Variants in UBN2 observed in about 807,000 individuals in gnomAD.
The protein encoded by UBN2 is ubinuclein 2, also known as ubinuclein-2.
UBN2 carries 35 observed loss-of-function variants against 120.2 expected under a neutral mutation model. The ratio of observed to expected loss-of-function variants is 0.29; its 90% CI spans 0.22 to 0.39. The LOEUF is 0.39. UBN2 is among the 10% of genes least tolerant of loss of function. The pLI, the probability that UBN2 is intolerant of heterozygous loss-of-function variation, is 1.00. For synonymous variants in UBN2, 661 were observed against 648.7 expected, an observed-to-expected ratio of 1.02 and a Z score of -0.29; for missense variants, 1,693 against 1,663.2, an observed-to-expected ratio of 1.02 and a Z score of -0.31.
At chr7:139,281,874 G>A in intron 13 of UBN2, 131 bp from the exon 14 acceptor site, 1 of 728,914 alleles carries the variant, frequency 1.4e-6, no homozygotes, top group Non-Finnish European at 2.3e-6. Context: ...TGACCTTAAT[G>A]CAGTTACACT....
chr7:139,328,277 G>A, the UBN2 span, among the ~76,000 whole-genome samples: 29 of 152,322 alleles, frequency 1.9e-4, no homozygotes, highest in African/African-American at 7.0e-4. Flanking sequence ...CATGGTGGCA[G>A]GGGAGAGAGT....
At chr7:139,293,116 C>T (rs903379263) in intron 15 of UBN2, 116 bp from the exon 16 acceptor site, 84 of 812,248 alleles carry the variant, frequency 1.0e-4, no homozygotes, top group Non-Finnish European at 1.4e-4. Context: ...TGTCTCACAA[C>T]GTTTCTGTCA....
Position 139,307,493 on chromosome 7 carries a change from A to AT in UBN2, c.*9657_*9658insT, listed in dbSNP as rs1554480522. The AT allele has an allele frequency of 3.0e-4, 46 of 152,040 alleles. No homozygotes were observed. Among genetic ancestry groups the AT allele is most frequent in the East Asian group, 1.5e-3 (8 of 5,188 alleles). 9.4% of individuals were successfully genotyped at this position (152,040 alleles called of 1,614,324 possible). A position where few individuals can be genotyped will look rare whatever the true frequency, so the allele number is the denominator to read the frequency against. On this transcript the variant is annotated 3_prime_UTR_variant, in exon 18 of 18. Transcript: ENST00000473989. The stretch of plus-strand genomic sequence containing the variant: ...TTTTGTATTTTAGTAAAAAAAAAAA[A>AT]AAATAAATTTAAATAAAAGGGGGTG...
the UBN2 span, among the ~76,000 whole-genome samples, chr7:139,326,554 T>TA: frequency 0.033 from 5,044 of 152,348 alleles, 280 homozygotes; most frequent in African/African-American, 0.11. Context: ...TAGGAACTTT[T>TA]ACCTATTTTG....
Position 139,301,374 on chromosome 7 carries a change from C to G in UBN2, c.*3538C>G, listed in dbSNP as rs1451829471. 1.3e-5 allele frequency: 2 copies of G among 152,134 alleles called. No individual in the cohort carries two copies. The highest frequency in any genetic ancestry group is 2.9e-5 in the Non-Finnish European group (2 of 68,020). The allele number at this position is 152,134 out of a possible 1,614,324, so 9.4% of individuals were successfully genotyped here. A position where few individuals can be genotyped will look rare whatever the true frequency, so the allele number is the denominator to read the frequency against. ...TGCCCTCTCCCACACCCCTTTCCAC[C>G]TATACTTGGTTCAAGACATTTTCTG... On this transcript the variant is annotated 3_prime_UTR_variant, in exon 18 of 18. Coordinates refer to ENST00000473989, the MANE Select transcript of UBN2 (RefSeq NM_173569.4).
chr7:139,283,078 A>G lies in UBN2; in HGVS notation c.2173A>G (p.Ser725Gly), dbSNP rs61995690. ...KTPTSLVASV[S>G]GPPTSSSTAA... ...TCCAACATCCCTGGTGGCTTCGGTTAGCGGTCCTCCAACGAGCTCCAGCAC... is the reference window on the plus strand; with the variant it reads ...TCCAACATCCCTGGTGGCTTCGGTTGGCGGTCCTCCAACGAGCTCCAGCAC... Residue 725 changes from serine to glycine, a missense_variant, in exon 15 of 18, where the codon AGC becomes GGC. By Grantham distance (56) the Ser-to-Gly change is moderately conservative (BLOSUM62 0). Around this residue, in one of 5 missense-constraint regions of UBN2, gnomAD observed 837 missense variants for 817.6 expected, o/e 1.02. Transcript: ENST00000473989. 2,644 of 1,613,190 alleles carry G rather than the reference A, an allele frequency of 1.6e-3. 37 individuals carry two copies. The African/African-American group carries it at 0.03, about 18-fold the overall frequency.
At position 139,261,502 on chromosome 7, in the gene UBN2, A is replaced by G. The variant is rs774308502; in HGVS notation, c.1156A>G (p.Ser386Gly). 8.1e-6 allele frequency: 13 copies of G among 1,614,090 alleles called. No homozygotes were observed. The highest frequency in any genetic ancestry group is 1.6e-4 in the Middle Eastern group (1 of 6,084). Reference protein sequence around the residue: ...SGDPDLPIFVSTNEHELFQEA... With the variant: ...SGDPDLPIFVGTNEHELFQEA... ...TGATCCAGACCTTCCCATTTTTGTT[A>G]GCACAAATGAACATGAGCTGTTTCA... The change falls in exon 6 of 18, where the codon AGC (serine) becomes GGC (glycine). Residue 386 changes from serine (S) to glycine (G), a missense_variant. Ser to Gly is a moderately conservative substitution (Grantham distance 56, BLOSUM62 0). Transcript: ENST00000473989.
At chr7:139,315,936 G>A in the UBN2 span, among the ~76,000 whole-genome samples, 1 of 151,894 alleles carries the variant, frequency 6.6e-6, no homozygotes, top group Admixed American at 6.6e-5. Flanking sequence ...AATTAGCCGG[G>A]CGTGGTGGCA....
chr7:139,238,418 A>G (rs1416225712), intron 2 of UBN2, among the ~76,000 whole-genome samples: 5 of 151,842 alleles, frequency 3.3e-5, no homozygotes, highest in Non-Finnish European at 1.5e-5. Context: ...GCTTTGGGCC[A>G]CAGTTTTCTT....
rs1161484759 is a variant in UBN2 at position 139,289,414 on chromosome 7, C to CTTT, written c.3670-3804_3670-3802dup. Among the ~76,000 whole-genome samples the CTTT allele has an allele frequency of 3.7e-3, 460 of 125,794 alleles. 21 individuals carry two copies. The highest frequency in any genetic ancestry group is 0.013 in the African/African-American group (432 of 32,174). The allele number at this position is 125,794 out of a possible 152,430, so 82.5% of individuals were successfully genotyped here. On this transcript the variant is annotated intron_variant, in intron 15 of 17. Coordinates refer to ENST00000473989, the MANE Select transcript of UBN2 (RefSeq NM_173569.4). The stretch of plus-strand genomic sequence containing the variant: ...ATTGCCCTCCCTAATTTACATTTTG[C>CTTT]TTTTTTTTTTTTTTTTGAGACAGGG...
At chr7:139,274,180 A>T (rs1465901009) in intron 11 of UBN2, 106 bp downstream of exon 11, 1 of 1,162,008 alleles carries the variant, frequency 8.6e-7, no homozygotes, top group African/African-American at 1.6e-5. Flanking sequence ...CTAAGAACCT[A>T]ATATATTCAG....
intron 2 of UBN2, among the ~76,000 whole-genome samples, chr7:139,247,879 A>G (rs1209277991): frequency 6.6e-6 from 1 of 151,932 alleles, no homozygotes; most frequent in East Asian, 1.9e-4. Context: ...TTAGGAAGAA[A>G]CCTTGATGAG....
chr7:139,288,143 A>C (rs954634551), intron 15 of UBN2, among the ~76,000 whole-genome samples: 1 of 152,174 alleles, frequency 6.6e-6, no homozygotes, highest in Non-Finnish European at 1.5e-5. Context: ...AGTGTTTACT[A>C]TGTGCCAGGC....
At chr7:139,245,121 T>TG (rs1796434325) in intron 2 of UBN2, among the ~76,000 whole-genome samples, 5 of 146,494 alleles carry the variant, frequency 3.4e-5, no homozygotes, top group African/African-American at 1.3e-4. Flanking sequence ...TTTTTTTTTT[T>TG]GAAAAACAGG....
At position 139,238,898 on chromosome 7, in the gene UBN2, CATG is replaced by C. The variant is rs747911652; in HGVS notation, c.561+1805_561+1807del. ...GTAATCTTTTGAGACTATATTGTAT[CATG>C]ATGTATAAATTGTAAAATCCTATAG... On this transcript the variant is annotated intron_variant, in intron 2 of 17. Coordinates refer to ENST00000473989, the MANE Select transcript of UBN2 (RefSeq NM_173569.4). 5.3e-5 allele frequency among the ~76,000 whole-genome samples: 8 copies of C among 152,220 alleles called. No individual in the cohort carries two copies. The South Asian group carries it at 1.5e-3, about 28-fold the overall frequency.
intron 2 of UBN2, 25 bp downstream of exon 2, chr7:139,237,122 A>G (rs1267593991): frequency 6.5e-7 from 1 of 1,542,576 alleles, no homozygotes; most frequent in South Asian, 1.1e-5. Flanking sequence ...CTGATCACTT[A>G]GGTAATTTTA....
intron 17 of UBN2, among the ~76,000 whole-genome samples, chr7:139,297,517 G>A (rs1175977544): frequency 6.6e-6 from 1 of 152,056 alleles, no homozygotes; most frequent in Non-Finnish European, 1.5e-5. Context: ...TGGCTGGGAC[G>A]TAAATGATAA....
chr7:139,246,815 T>G (rs1796481835), intron 2 of UBN2, among the ~76,000 whole-genome samples: 1 of 152,184 alleles, frequency 6.6e-6, no homozygotes, highest in Admixed American at 6.5e-5. Flanking sequence ...AAATGGAATC[T>G]CATGTCTTCT....
chr7:139,327,890 T>G, the UBN2 span, among the ~76,000 whole-genome samples: 1 of 152,180 alleles, frequency 6.6e-6, no homozygotes, highest in Non-Finnish European at 1.5e-5. Flanking sequence ...CTGCTTAAAT[T>G]TCTATCACAA....
Sources: allele counts gnomAD v4.1 joint callset (sites outside exome capture counted in the v4.1 genomes callset), GRCh38; gene constraint gnomAD v4.1.1; regional missense constraint gnomAD v4.1.1; transcripts MANE v1.5; gene names NCBI Gene and HGNC (gene_info 2026-07-23, HGNC 2026-07-21).